Variants in DLC1 observed in about 807,000 individuals in gnomAD.
DLC1 encodes the protein rho GTPase-activating protein 7.
Under a neutral mutation model 140.3 loss-of-function variants are expected in DLC1, and 54 were observed. That is an observed-to-expected ratio of 0.38 (90% CI 0.31 to 0.48). The LOEUF (loss-of-function observed/expected upper bound fraction) is 0.48. DLC1 is among the 20% of genes least tolerant of loss of function. DLC1 has a pLI of 0.96. For synonymous variants in DLC1, 986 were observed against 728.1 expected, an observed-to-expected ratio of 1.35 and a Z score of -5.70; for missense variants, 2,536 against 1,907.0, an observed-to-expected ratio of 1.33 and a Z score of -6.14.
At chr8:13,148,841 G>A (rs1452076631) in intron 5 of DLC1, among the ~76,000 whole-genome samples, 1 of 152,064 alleles carries the variant, frequency 6.6e-6, no homozygotes, top group East Asian at 1.9e-4. Context: ...CTCCCAGGCT[G>A]GAGTGCAGTG....
chr8:13,113,689 A>G (rs541112203), intron 6 of DLC1, among the ~76,000 whole-genome samples: 2 of 152,350 alleles, frequency 1.3e-5, no homozygotes, highest in South Asian at 2.1e-4. Flanking sequence ...TGAAAATCCA[A>G]TAGAATGCTG....
intron 4 of DLC1, among the ~76,000 whole-genome samples, chr8:13,349,415 T>A (rs1355396193): frequency 1.3e-5 from 2 of 151,982 alleles, no homozygotes; most frequent in African/African-American, 4.8e-5. Flanking sequence ...AAAAACGGAA[T>A]ACATAAAGTA....
intron 4 of DLC1, among the ~76,000 whole-genome samples, chr8:13,327,522 G>T (rs1833416536): frequency 6.8e-6 from 1 of 147,678 alleles, no homozygotes; most frequent in African/African-American, 2.5e-5. Context: ...TTCTCATTAT[G>T]TTGCCCTGGC....
intron 5 of DLC1, among the ~76,000 whole-genome samples, chr8:13,126,658 C>T (rs1157670698): frequency 6.6e-6 from 1 of 152,002 alleles, no homozygotes; most frequent in Non-Finnish European, 1.5e-5. Context: ...ACTTATTATT[C>T]AAGGCAAAAT....
intron 5 of DLC1, among the ~76,000 whole-genome samples, chr8:13,229,253 G>A (rs1653032): frequency 0.61 from 92,157 of 152,028 alleles, 28,349 homozygotes; most frequent in East Asian, 0.89. Context: ...TCATTTGGCA[G>A]TACAAAGAAA....
At chr8:13,553,935 C>A (rs369689950) in intron 1 of DLC1, among the ~76,000 whole-genome samples, 3 of 152,082 alleles carry the variant, frequency 2.0e-5, no homozygotes, top group African/African-American at 7.2e-5. Context: ...TCTTTGTCTG[C>A]GCCCTTTGCT....
In DLC1 at chr8:13,449,545, T is replaced by C. The variant is rs546816435; in HGVS notation, c.1024-47926A>G. On this transcript the variant is annotated intron_variant, in intron 2 of 17. Coordinates refer to ENST00000276297, the MANE Select transcript of DLC1 (RefSeq NM_182643.3). ...AGGTGGAAAGAATCCTATTTCCCCA[T>C]CATTCTCAGCAAACTATCGCAAGGA... 2.0e-4 allele frequency among the ~76,000 whole-genome samples: 30 copies of C among 152,158 alleles called. No homozygotes were observed. The South Asian group carries it at 2.1e-3, about 11-fold the overall frequency.
In DLC1 at chr8:13,110,753, C is replaced by G; in HGVS notation, c.1491G>C (p.Glu497Asp). 6.8e-6 allele frequency: 11 copies of G among 1,613,898 alleles called. No homozygotes were observed. Reference protein sequence around the residue: ...EHDFLDRDAIEALCRRLNTLN... With the variant: ...EHDFLDRDAIDALCRRLNTLN... ...ACGTGTCCATTTACCTGCATAGAGC[C>G]TCAATGGCATCTCTGTCCAAAAAAT... is the stretch of plus-strand genomic sequence containing the variant. The change falls in exon 7 of 18, where the codon GAG (glutamate) becomes GAC (aspartate). Residue 497 changes from glutamate (E) to aspartate (D), a missense_variant. By Grantham distance (45) the Glu-to-Asp change is conservative. Coordinates refer to ENST00000276297, the MANE Select transcript of DLC1 (RefSeq NM_182643.3).
chr8:13,203,785 A>G (rs567273852), intron 5 of DLC1, among the ~76,000 whole-genome samples: 14 of 152,332 alleles, frequency 9.2e-5, no homozygotes, highest in Admixed American at 8.5e-4. Context: ...TTACTTGCAA[A>G]AAAACCTTTT....
intron 4 of DLC1, among the ~76,000 whole-genome samples, chr8:13,384,647 G>A (rs1380881527): frequency 6.6e-6 from 1 of 152,126 alleles, no homozygotes; most frequent in African/African-American, 2.4e-5. Context: ...AAAACCCTGT[G>A]TTCTAAAGTA....
chr8:13,301,523 A>G (rs1302673976), intron 5 of DLC1, among the ~76,000 whole-genome samples: 1 of 152,242 alleles, frequency 6.6e-6, no homozygotes, highest in Non-Finnish European at 1.5e-5. Flanking sequence ...TACATCAACA[A>G]CATGGCAGAT....
chr8:13,487,140 G>A (rs1375173700), intron 2 of DLC1, among the ~76,000 whole-genome samples: 1 of 152,128 alleles, frequency 6.6e-6, no homozygotes, highest in Non-Finnish European at 1.5e-5. Context: ...TGACCGCTTG[G>A]TTCTTTTGTG....
At chr8:13,417,385 G>T (rs1413610702) in intron 2 of DLC1, among the ~76,000 whole-genome samples, 2 of 111,548 alleles carry the variant, frequency 1.8e-5, no homozygotes, top group African/African-American at 7.0e-5. Context: ...ACAGTCCCCA[G>T]AGTGTGATGT....
intron 6 of DLC1, among the ~76,000 whole-genome samples, chr8:13,112,176 A>T (rs981667910): frequency 6.6e-6 from 1 of 152,098 alleles, no homozygotes. Context: ...AAGTAAAAAA[A>T]TCCCTTTGGC....
chr8:13,185,060 G>T (rs1453334422), intron 5 of DLC1, among the ~76,000 whole-genome samples: 1 of 146,122 alleles, frequency 6.8e-6, no homozygotes, highest in African/African-American at 2.5e-5. Flanking sequence ...TAATGGCCTT[G>T]TCTCTTTTGA....
intron 5 of DLC1, among the ~76,000 whole-genome samples, chr8:13,138,251 C>T (rs1822713778): frequency 6.6e-6 from 1 of 152,168 alleles, no homozygotes; most frequent in South Asian, 2.1e-4. Flanking sequence ...AGACAGCCAT[C>T]ATTAGGGCTT....
chr8:13,444,761 A>T (rs75652041), intron 2 of DLC1, among the ~76,000 whole-genome samples: 4,090 of 152,260 alleles, frequency 0.027, 184 homozygotes, highest in African/African-American at 0.093. Flanking sequence ...GTTAGAAGAG[A>T]TTCAGGATGA....
At chr8:13,463,563 T>C (rs192219836) in intron 2 of DLC1, among the ~76,000 whole-genome samples, 1 of 152,312 alleles carries the variant, frequency 6.6e-6, no homozygotes, top group Admixed American at 6.5e-5. Context: ...AATAGGCCTG[T>C]TGAATGTAGT....
intron 1 of DLC1, among the ~76,000 whole-genome samples, chr8:13,551,280 A>C (rs1803840342): frequency 6.6e-6 from 1 of 152,086 alleles, no homozygotes; most frequent in Non-Finnish European, 1.5e-5. Flanking sequence ...CATTGTTCTA[A>C]ATCACAGTCT....
Sources: gnomAD v4.1 joint callset for allele counts (sites outside exome capture counted in the v4.1 genomes callset) on GRCh38, gnomAD v4.1.1 for gene constraint, MANE v1.5 for transcripts, NCBI Gene and HGNC (gene_info 2026-07-23, HGNC 2026-07-21) for gene names.